Variants in BCL11A observed in about 807,000 individuals in gnomAD.
BCL11A encodes BCL11 transcription factor A, also known as B cell CLL/lymphoma 11A.
BCL11A carries 2 observed loss-of-function variants against 55.9 expected under a neutral mutation model. The observed-to-expected ratio is 0.04, with a 90% confidence interval of 0.01 to 0.11. The LOEUF is 0.11. Among genes scored for constraint, BCL11A ranks in the 10% least tolerant of loss-of-function variants. The probability of loss-of-function intolerance (pLI) is 1.00; values close to 1 mark genes in which losing one functional copy is unlikely to be tolerated. For synonymous variants in BCL11A, 465 were observed against 473.4 expected, an observed-to-expected ratio of 0.98 and a Z score of 0.23; for missense variants, 817 against 1,137.1, an observed-to-expected ratio of 0.72 and a Z score of 4.05.
Position 60,458,999 on chromosome 2 carries a change from C to T in BCL11A, c.*1405G>A, listed in dbSNP as rs1044997852. On this transcript the variant is annotated 3_prime_UTR_variant, in exon 4 of 4. Coordinates refer to ENST00000642384, the MANE Select transcript of BCL11A (RefSeq NM_022893.4). ...TACTGCTACTCTTAAAATTCTTTCT[C>T]TTCTTTTTTTAAGAATGTCACATTT... 8 of 1,028,828 alleles carry T rather than the reference C, an allele frequency of 7.8e-6. No individual in the cohort carries two copies. Among genetic ancestry groups the T allele is most frequent in the Admixed American group, 5.7e-5 (1 of 17,578 alleles). The allele number at this position is 1,028,828 out of a possible 1,614,324, so 63.7% of individuals were successfully genotyped here. A position where few individuals can be genotyped will look rare whatever the true frequency, so the allele number is the denominator to read the frequency against.
rs1558609610 is a variant in BCL11A, at chr2:60,459,569, A to G, written c.*835T>C. On this transcript the variant is annotated 3_prime_UTR_variant, in exon 4 of 4. Coordinates refer to ENST00000642384, the MANE Select transcript of BCL11A (RefSeq NM_022893.4). ...GCCATTGTTGTGAGAAATACAATAT[A>G]GAATTATATGCTAGTTCCTAAGGTT... 2.0e-6 allele frequency: 2 copies of G among 1,025,616 alleles called. No individual in the cohort carries two copies. Among genetic ancestry groups the G allele is most frequent in the Non-Finnish European group, 2.3e-6 (2 of 853,668 alleles). 63.5% of individuals were successfully genotyped at this position (1,025,616 alleles called of 1,614,324 possible).
intron 2 of BCL11A, among the ~76,000 whole-genome samples, chr2:60,493,291 GTGTTTATAGGAA>G (rs1369440388): frequency 4.7e-5 from 7 of 150,404 alleles, no homozygotes; most frequent in African/African-American, 1.7e-4. Context: ...CTGTGTAGAT[GTGTTTATAGGAA>G]TGTATGTCTA....
intron 1 of BCL11A, among the ~76,000 whole-genome samples, chr2:60,552,753 C>G (rs1670473151): frequency 6.6e-6 from 1 of 152,150 alleles, no homozygotes; most frequent in Non-Finnish European, 1.5e-5. Context: ...TAGACTTGTA[C>G]TCACTCCCTC....
intron 2 of BCL11A, chr2:60,478,351 C>T (rs1481282316): frequency 2.0e-5 from 3 of 152,366 alleles, no homozygotes; most frequent in Non-Finnish European, 2.9e-5. Flanking sequence ...ACCCTGCCCA[C>T]CTTCTGACAA....
chr2:60,468,580 T>A, intron 3 of BCL11A, 152 bp downstream of exon 3: 1 of 534,112 alleles, frequency 1.9e-6, no homozygotes. Flanking sequence ...CTGAGTGGAG[T>A]GGGGAGCGGC....
At position 60,458,239 on chromosome 2, in the gene BCL11A, A is replaced by G. The variant is rs1348025037; in HGVS notation, c.*2165T>C. 9.8e-7 allele frequency: 1 copy of G among 1,024,314 alleles called. No homozygotes were observed. Among genetic ancestry groups the G allele is most frequent in the Non-Finnish European group, 1.2e-6 (1 of 852,632 alleles). The allele number at this position is 1,024,314 out of a possible 1,614,324, so 63.5% of individuals were successfully genotyped here. On this transcript the variant is annotated 3_prime_UTR_variant, in exon 4 of 4. Transcript: ENST00000642384. ...ATGAGTGTGCATTTTCCTATATTTA[A>G]GTACTATATAATCTTAAACCTTTCC...
At chr2:60,516,380 G>A (rs888008376) in intron 2 of BCL11A, among the ~76,000 whole-genome samples, 2 of 152,202 alleles carry the variant, frequency 1.3e-5, no homozygotes, top group Non-Finnish European at 2.9e-5. Flanking sequence ...TTGTTCTCCA[G>A]ATGTCAGTGC....
intron 1 of BCL11A, among the ~76,000 whole-genome samples, chr2:60,547,331 T>C (rs1277311888): frequency 1.3e-5 from 2 of 152,186 alleles, no homozygotes; most frequent in Non-Finnish European, 2.9e-5. Context: ...TCTGCACACA[T>C]AATCACCAGC....
At chr2:60,467,941 G>A (rs111206885) in intron 3 of BCL11A, among the ~76,000 whole-genome samples, 94 of 113,380 alleles carry the variant, frequency 8.3e-4, no homozygotes, top group South Asian at 3.4e-3. Context: ...TGATGGTGGT[G>A]GTGGTGATGG....
In BCL11A at chr2:60,458,540, C is replaced by G; in HGVS notation, c.*1864G>C. The G allele has an allele frequency of 9.6e-7, 1 of 1,037,546 alleles. No individual in the cohort carries two copies. The highest frequency in any genetic ancestry group is 4.6e-5 in the South Asian group (1 of 21,748). 64.3% of individuals were successfully genotyped at this position (1,037,546 alleles called of 1,614,324 possible). On this transcript the variant is annotated 3_prime_UTR_variant, in exon 4 of 4. Coordinates refer to ENST00000642384, the MANE Select transcript of BCL11A (RefSeq NM_022893.4). ...GTTAAGTGTATTCTGTTTCCATTCA[C>G]AGCGCTTGCAATGTTGCGTCCAAGT...
chr2:60,485,573 A>G (rs1178930819), intron 2 of BCL11A, among the ~76,000 whole-genome samples: 1 of 152,230 alleles, frequency 6.6e-6, no homozygotes, highest in Non-Finnish European at 1.5e-5. Context: ...GGCAAAAGCC[A>G]ATCAACTCAT....
chr2:60,464,533 G>A (rs1240555947), intron 3 of BCL11A, among the ~76,000 whole-genome samples: 1 of 152,106 alleles, frequency 6.6e-6, no homozygotes, highest in Admixed American at 6.5e-5. Context: ...AAAAAGATTT[G>A]TCTGATAATC....
Position 60,461,196 on chromosome 2 carries a change from G to C in BCL11A, c.1716C>G (p.Arg572=). The C allele has an allele frequency of 1.2e-6, 2 of 1,612,390 alleles. No homozygotes were observed. Residue 572 remains arginine (R), a synonymous_variant, in exon 4 of 4, where the codon CGC becomes CGG. Transcript: ENST00000642384. ...FHQVLGEKHK[R]GHLAEAEGHR... ...GGCCCTCGGCCTCGGCCAGGTGGCC[G>C]CGCTTATGCTTCTCGCCCAGGACCT... is the stretch of plus-strand genomic sequence containing the variant.
chr2:60,496,197 C>T (rs1678939757), intron 2 of BCL11A, among the ~76,000 whole-genome samples: 1 of 152,164 alleles, frequency 6.6e-6, no homozygotes, highest in African/African-American at 2.4e-5. Flanking sequence ...TTCTGGAAGT[C>T]GGAAAAACAA....
At chr2:60,456,828 C>A (rs1341518091), downstream of BCL11A, among the ~76,000 whole-genome samples, 1 of 151,960 alleles carries the variant, frequency 6.6e-6, no homozygotes, top group Non-Finnish European at 1.5e-5. Context: ...AACTTTTAGA[C>A]AACAAGAACA....
At position 60,460,941 on chromosome 2, in the gene BCL11A, C is replaced by A. The variant is rs149363449; in HGVS notation, c.1971G>T (p.Ser657=). The part of the protein sequence containing the change: ...AAMPNTENVY[S]QWLAGYAASR... The stretch of plus-strand genomic sequence containing the variant: ...AGGCCGCGTAGCCGGCGAGCCACTG[C>A]GAGTACACGTTCTCCGTGTTGGGCA... Residue 657 remains serine, a synonymous_variant, in exon 4 of 4, where the codon TCG becomes TCT. Transcript: ENST00000642384. 3 of 1,613,082 alleles carry A rather than the reference C, an allele frequency of 1.9e-6. No individual in the cohort carries two copies. Among genetic ancestry groups the A allele is most frequent in the African/African-American group, 1.3e-5 (1 of 75,070 alleles).
intron 2 of BCL11A, among the ~76,000 whole-genome samples, chr2:60,497,311 A>G (rs980968040): frequency 6.6e-6 from 1 of 152,256 alleles, no homozygotes; most frequent in Non-Finnish European, 1.5e-5. Context: ...AAAACGAAGC[A>G]TCGCCTTTAA....
chr2:60,541,992 A>G, intron 2 of BCL11A: 1 of 672,238 alleles, frequency 1.5e-6, no homozygotes. Flanking sequence ...TGAAAAGCAT[A>G]TTGTATTTGA....
At chr2:60,487,011 C>A (rs1286754045) in intron 2 of BCL11A, among the ~76,000 whole-genome samples, 2 of 152,216 alleles carry the variant, frequency 1.3e-5, no homozygotes, top group Non-Finnish European at 2.9e-5. Context: ...AAGGCAAATG[C>A]CCCTCCTTTA....
Sources: gnomAD v4.1 joint callset for allele counts (sites outside exome capture counted in the v4.1 genomes callset) on GRCh38, gnomAD v4.1.1 for gene constraint, MANE v1.5 for transcripts, NCBI Gene and HGNC (gene_info 2026-07-23, HGNC 2026-07-21) for gene names.